RB1CC1: variants seen among roughly 807,000 people sequenced by gnomAD.
RB1CC1 encodes RB1-inducible coiled-coil protein 1.
Under a neutral mutation model 177.5 loss-of-function variants are expected in RB1CC1, and 46 were observed. The observed-to-expected ratio is 0.26, with a 90% confidence interval of 0.20 to 0.33. The LOEUF (loss-of-function observed/expected upper bound fraction) is 0.33. RB1CC1 is among the 10% of genes least tolerant of loss of function. The probability of loss-of-function intolerance (pLI) is 1.00; values close to 1 mark genes in which losing one functional copy is unlikely to be tolerated. For missense variants in RB1CC1, 1,703 were observed against 1,816.3 expected (o/e 0.94, Z 1.13); for synonymous variants, 666 against 613.6 (o/e 1.09, Z -1.26).
chr8:52,627,695 T>C (rs1234397728), intron 22 of RB1CC1, among the ~76,000 whole-genome samples: 1 of 152,200 alleles, frequency 6.6e-6, no homozygotes, highest in Non-Finnish European at 1.5e-5. Context: ...CAAAAAATAA[T>C]GCTTTTATAT....
chr8:52,659,604 GA>G (rs1280117233), intron 12 of RB1CC1, among the ~76,000 whole-genome samples: 2 of 152,080 alleles, frequency 1.3e-5, no homozygotes, highest in Non-Finnish European at 2.9e-5. Flanking sequence ...AGAGTTCTCG[GA>G]TAAATAAGTA....
intron 15 of RB1CC1, among the ~76,000 whole-genome samples, chr8:52,648,657 A>AT (rs1850276431): frequency 6.6e-6 from 1 of 152,076 alleles, no homozygotes; most frequent in Non-Finnish European, 1.5e-5. Flanking sequence ...CAAACCCTGT[A>AT]TTTTTTCCAA....
chr8:52,663,169 A>G (rs1754566426), intron 8 of RB1CC1, among the ~76,000 whole-genome samples: 1 of 152,128 alleles, frequency 6.6e-6, no homozygotes, highest in African/African-American at 2.4e-5. Context: ...TGACAGCTAC[A>G]TGAGCTACAT....
chr8:52,648,293 C>T (rs547026662), intron 15 of RB1CC1, among the ~76,000 whole-genome samples: 21 of 152,176 alleles, frequency 1.4e-4, no homozygotes, highest in South Asian at 1.2e-3. Flanking sequence ...TGTATTAATC[C>T]GGCCAAAAGT....
chr8:52,659,891 G>T (rs1276712354), intron 12 of RB1CC1, among the ~76,000 whole-genome samples: 3 of 152,122 alleles, frequency 2.0e-5, no homozygotes, highest in Admixed American at 2.0e-4. Context: ...CAGCTACTTG[G>T]GAGGCTGAGG....
At chr8:52,708,708 G>A (rs1856805741) in intron 1 of RB1CC1, among the ~76,000 whole-genome samples, 1 of 152,096 alleles carries the variant, frequency 6.6e-6, no homozygotes, top group East Asian at 1.9e-4. Context: ...CTCATTATGA[G>A]GACATCTGGT....
chr8:52,699,825 AAAAAAATATATATATATATATAT>A (rs1855858341), intron 1 of RB1CC1, among the ~76,000 whole-genome samples: 1 of 96,030 alleles, frequency 1.0e-5, no homozygotes, highest in Non-Finnish European at 2.2e-5. Flanking sequence ...AAAAAAAAAA[AAAAAAATATATATATATATATAT>A]ATATATATAT....
intron 15 of RB1CC1, among the ~76,000 whole-genome samples, chr8:52,651,893 T>C (rs1423183517): frequency 6.6e-6 from 1 of 152,146 alleles, no homozygotes; most frequent in Non-Finnish European, 1.5e-5. Context: ...GATGTACCAA[T>C]AAATGTTAAG....
At chr8:52,697,295 TAAAAA>T (rs35428453) in intron 1 of RB1CC1, among the ~76,000 whole-genome samples, 3 of 87,932 alleles carry the variant, frequency 3.4e-5, no homozygotes, top group East Asian at 3.4e-4. Flanking sequence ...AAATGGTTAC[TAAAAA>T]AAAAAAAAAA....
At chr8:52,699,956 C>T (rs1486868795) in intron 1 of RB1CC1, among the ~76,000 whole-genome samples, 2 of 150,126 alleles carry the variant, frequency 1.3e-5, no homozygotes, top group African/African-American at 4.9e-5. Context: ...AGCTGTTTCA[C>T]CAAAGCAAGT....
rs1368392134 is a variant in RB1CC1 at position 52,642,496 on chromosome 8, C to T, written c.4192G>A (p.Val1398Ile). 1.4e-5 allele frequency: 22 copies of T among 1,614,042 alleles called. No individual in the cohort carries two copies. The highest frequency in any genetic ancestry group is 1.8e-5 in the Non-Finnish European group (21 of 1,179,972). The change falls in exon 18 of 24, where the codon GTT (valine) becomes ATT (isoleucine). Residue 1398 changes from valine to isoleucine, a missense_variant. This residue lies in a region of RB1CC1 where 1,169 missense variants were observed against 1,184.7 expected (regional missense o/e 0.99). Coordinates refer to ENST00000025008, the MANE Select transcript of RB1CC1 (RefSeq NM_014781.5). ...GCTGTAGCTACATATGGTGAAGGAA[C>T]AAAACTGCTACTACGCAACTTACTG... ...EVSKLRSSSF[V>I]PSPYVATAPE...
chr8:52,638,238 T>A (rs1849303535), intron 18 of RB1CC1, among the ~76,000 whole-genome samples: 1 of 152,196 alleles, frequency 6.6e-6, no homozygotes, highest in Admixed American at 6.5e-5. Flanking sequence ...ATTGAGATAA[T>A]CATGTGTTTT....
chr8:52,696,346 T>A (rs113498546), intron 1 of RB1CC1, among the ~76,000 whole-genome samples: 26 of 152,298 alleles, frequency 1.7e-4, no homozygotes, highest in East Asian at 7.7e-4. Flanking sequence ...CCGGCCTACT[T>A]TGGTTTCTAG....
chr8:52,651,305 G>A (rs1328208848), intron 15 of RB1CC1, among the ~76,000 whole-genome samples: 2 of 152,164 alleles, frequency 1.3e-5, no homozygotes, highest in Non-Finnish European at 2.9e-5. Flanking sequence ...TCTAGATCAA[G>A]GGCAGGTAAA....
chr8:52,704,443 C>G (rs1271752495), intron 1 of RB1CC1, among the ~76,000 whole-genome samples: 3 of 123,940 alleles, frequency 2.4e-5, no homozygotes, highest in African/African-American at 9.1e-5. Flanking sequence ...AGAATTCACA[C>G]AAAGGTGACA....
chr8:52,680,544 T>C (rs1853598574), intron 5 of RB1CC1, among the ~76,000 whole-genome samples: 1 of 152,204 alleles, frequency 6.6e-6, no homozygotes, highest in Non-Finnish European at 1.5e-5. Flanking sequence ...GATTTAACAC[T>C]GTCAAAGTAT....
chr8:52,654,833 A>T (rs773934525), intron 15 of RB1CC1, among the ~76,000 whole-genome samples: 5 of 152,154 alleles, frequency 3.3e-5, no homozygotes, highest in African/African-American at 4.8e-5. Flanking sequence ...GATCAATTTA[A>T]CCAAAATTCC....
At chr8:52,686,797 A>T in intron 2 of RB1CC1, 56 bp downstream of exon 2, 1 of 348,906 alleles carries the variant, frequency 2.9e-6, no homozygotes, top group South Asian at 2.2e-5. Flanking sequence ...TTCCAGAATC[A>T]TTATTTTAAA....
chr8:52,624,794 A>G lies in RB1CC1; in HGVS notation c.4637-7T>C. 6.7e-7 allele frequency: 1 copy of G among 1,502,188 alleles called. No individual in the cohort carries two copies. Among genetic ancestry groups the G allele is most frequent in the Non-Finnish European group, 9.0e-7 (1 of 1,111,244 alleles). The allele number at this position is 1,502,188 out of a possible 1,614,324, so 93.1% of individuals were successfully genotyped here. A position where few individuals can be genotyped will look rare whatever the true frequency, so the allele number is the denominator to read the frequency against. Reference sequence around the variant, plus strand: ...CTTCTAGATGCACCTGAAGCTAATGAAATTAAATAGTTAATCTCTTTTTGA... The same window carrying G: ...CTTCTAGATGCACCTGAAGCTAATGGAATTAAATAGTTAATCTCTTTTTGA... On this transcript the variant is annotated splice_polypyrimidine_tract_variant and splice_region_variant and intron_variant, in intron 22 of 23. Coordinates refer to ENST00000025008, the MANE Select transcript of RB1CC1 (RefSeq NM_014781.5).
Sources: allele counts gnomAD v4.1 joint callset (sites outside exome capture counted in the v4.1 genomes callset), GRCh38; gene constraint gnomAD v4.1.1; regional missense constraint gnomAD v4.1.1; transcripts MANE v1.5; gene names NCBI Gene and HGNC (gene_info 2026-07-23, HGNC 2026-07-21).